PTPRO: variants seen among roughly 807,000 people sequenced by gnomAD.
The protein encoded by PTPRO is protein tyrosine phosphatase receptor type O.
Under a neutral mutation model 145.2 loss-of-function variants are expected in PTPRO, and 62 were observed. That is an observed-to-expected ratio of 0.43 (90% CI 0.35 to 0.53). PTPRO has a LOEUF of 0.53. PTPRO is among the 20% of genes least tolerant of loss of function. The probability of loss-of-function intolerance (pLI) is 0.01; values close to 1 mark genes in which losing one functional copy is unlikely to be tolerated. For synonymous variants in PTPRO, 565 were observed against 514.7 expected (o/e 1.10, Z -1.32); for missense variants, 1,345 against 1,482.7 (o/e 0.91, Z 1.53).
At chr12:15,445,448 A>C (rs909344696) in intron 1 of PTPRO, among the ~76,000 whole-genome samples, 1 of 152,184 alleles carries the variant, frequency 6.6e-6, no homozygotes, top group Non-Finnish European at 1.5e-5. Context: ...AGGCTGAAAC[A>C]ATGTAAGTGC....
chr12:15,368,969 T>C (rs956603421), intron 1 of PTPRO, among the ~76,000 whole-genome samples: 1 of 152,174 alleles, frequency 6.6e-6, no homozygotes, highest in Non-Finnish European at 1.5e-5. Flanking sequence ...TGTGAAATCT[T>C]AGGGCAGAGA....
chr12:15,328,860 T>C (rs1866526931), intron 1 of PTPRO, among the ~76,000 whole-genome samples: 1 of 152,202 alleles, frequency 6.6e-6, no homozygotes, highest in South Asian at 2.1e-4. Flanking sequence ...AATAAACCTA[T>C]TTTTAAATGT....
chr12:15,409,982 C>T (rs1425259610), intron 1 of PTPRO, among the ~76,000 whole-genome samples: 1 of 152,070 alleles, frequency 6.6e-6, no homozygotes, highest in East Asian at 1.9e-4. Context: ...CAGTAGGGAC[C>T]TCTAGATTTA....
At chr12:15,385,808 T>A (rs1939007106) in intron 1 of PTPRO, among the ~76,000 whole-genome samples, 2 of 81,686 alleles carry the variant, frequency 2.4e-5, no homozygotes, top group African/African-American at 1.2e-4. Flanking sequence ...CAAGACTCCA[T>A]CTCAAAAAAA....
intron 5 of PTPRO, among the ~76,000 whole-genome samples, chr12:15,502,919 G>A (rs757805890): frequency 6.6e-6 from 1 of 151,996 alleles, no homozygotes; most frequent in Non-Finnish European, 1.5e-5. Flanking sequence ...TAGGGTGAGA[G>A]TTTAAGGCCC....
chr12:15,491,042 T>A (rs993355082), intron 2 of PTPRO, among the ~76,000 whole-genome samples: 3 of 152,226 alleles, frequency 2.0e-5, no homozygotes, highest in Non-Finnish European at 4.4e-5. Flanking sequence ...TCACTTGGAC[T>A]GTGGGCAGCT....
At chr12:15,355,511 C>G (rs1052900606) in intron 1 of PTPRO, among the ~76,000 whole-genome samples, 1 of 143,892 alleles carries the variant, frequency 6.9e-6, no homozygotes, top group Non-Finnish European at 1.6e-5. Context: ...TGAGGCCTTT[C>G]CTGAAAAGCA....
chr12:15,515,834 T>G lies in PTPRO; in HGVS notation c.1585+216T>G, dbSNP rs79815378. Among the ~76,000 whole-genome samples, 258 of 152,150 alleles carry G rather than the reference T, an allele frequency of 1.7e-3. 4 individuals are homozygous for G. The East Asian group carries it at 0.042, about 25-fold the overall frequency. ...GGGAAAAAATCAGAGGCAAACATTCTTACTTTAGTTTTCAATGATTATACA... is the reference window on the plus strand; with the variant it reads ...GGGAAAAAATCAGAGGCAAACATTCGTACTTTAGTTTTCAATGATTATACA... On this transcript the variant is annotated intron_variant, in intron 8 of 26. Coordinates refer to ENST00000281171, the MANE Select transcript of PTPRO (RefSeq NM_030667.3).
At chr12:15,359,269 T>G (rs1453362458) in intron 1 of PTPRO, among the ~76,000 whole-genome samples, 1 of 152,180 alleles carries the variant, frequency 6.6e-6, no homozygotes, top group Non-Finnish European at 1.5e-5. Flanking sequence ...TTCTTACCCA[T>G]GTATGAGTAC....
intron 26 of PTPRO, chr12:15,595,368 C>G (rs1565453445): frequency 1.1e-5 from 4 of 348,992 alleles, no homozygotes; most frequent in Non-Finnish European, 2.2e-5. Context: ...CCTGTAATAT[C>G]AGGATACTAC....
chr12:15,336,128 AAAG>A (rs1866754640), intron 1 of PTPRO, among the ~76,000 whole-genome samples: 1 of 152,194 alleles, frequency 6.6e-6, no homozygotes, highest in Non-Finnish European at 1.5e-5. Context: ...ACAGGCAGAA[AAAG>A]AATATCATCA....
intron 8 of PTPRO, among the ~76,000 whole-genome samples, 176 bp downstream of exon 8, chr12:15,515,794 A>G (rs1942564278): frequency 6.6e-6 from 1 of 152,070 alleles, no homozygotes; most frequent in Non-Finnish European, 1.5e-5. Flanking sequence ...AAACATTCTT[A>G]ATATTTATTA....
chr12:15,485,351 C>G, intron 2 of PTPRO, among the ~76,000 whole-genome samples: 1 of 152,024 alleles, frequency 6.6e-6, no homozygotes, highest in South Asian at 2.1e-4. Flanking sequence ...GAGAACTTAC[C>G]TGGTAAAATA....
chr12:15,443,811 G>T (rs1422214886), intron 1 of PTPRO, among the ~76,000 whole-genome samples: 20 of 152,104 alleles, frequency 1.3e-4, no homozygotes, highest in Admixed American at 8.5e-4. Context: ...AGTCAGAACG[G>T]CTGTGACTAA....
intron 1 of PTPRO, among the ~76,000 whole-genome samples, chr12:15,392,041 T>C (rs1939202658): frequency 6.6e-6 from 1 of 152,238 alleles, no homozygotes; most frequent in Admixed American, 6.5e-5. Flanking sequence ...CATTCAATTA[T>C]TCTGGTTCTA....
At chr12:15,577,381 A>C (rs1031789508) in intron 19 of PTPRO, among the ~76,000 whole-genome samples, 1 of 152,218 alleles carries the variant, frequency 6.6e-6, no homozygotes, top group Non-Finnish European at 1.5e-5. Context: ...GCATCAGAAG[A>C]CCCAATAACT....
chr12:15,415,932 C>G (rs1939959343), intron 1 of PTPRO, among the ~76,000 whole-genome samples: 1 of 151,610 alleles, frequency 6.6e-6, no homozygotes, highest in Non-Finnish European at 1.5e-5. Flanking sequence ...ACCTTGTTTG[C>G]CTAACAAGAT....
In PTPRO at chr12:15,499,389, T is replaced by C. The variant is rs1259692995; in HGVS notation, c.509-53T>C. ...ATAATTGTTTCAAACTTTCCAGAAG[T>C]GTGTGATGTTTAGAAGACCATATTT... On this transcript the variant is annotated intron_variant, in intron 3 of 26. Coordinates refer to ENST00000281171, the MANE Select transcript of PTPRO (RefSeq NM_030667.3). 2.6e-6 allele frequency: 4 copies of C among 1,536,424 alleles called. No individual in the cohort carries two copies. In the Admixed American group the frequency reaches 6.7e-5, roughly 26 times the overall value.
intron 1 of PTPRO, among the ~76,000 whole-genome samples, chr12:15,430,842 T>C (rs957152314): frequency 2.0e-5 from 3 of 152,138 alleles, no homozygotes; most frequent in Non-Finnish European, 4.4e-5. Flanking sequence ...ATATATACAA[T>C]TTTGTCAATT....
Sources: allele counts gnomAD v4.1 joint callset (sites outside exome capture counted in the v4.1 genomes callset), GRCh38; gene constraint gnomAD v4.1.1; transcripts MANE v1.5; gene names NCBI Gene and HGNC (gene_info 2026-07-23, HGNC 2026-07-21).